Variants in TRAPPC12 observed in about 807,000 individuals in gnomAD.
TRAPPC12 encodes TPR repeat protein 15.
A neutral mutation model predicts 69.2 loss-of-function variants in TRAPPC12; 61 were observed. The ratio of observed to expected loss-of-function variants is 0.88; its 90% CI spans 0.72 to 1.09. The LOEUF is 1.09. Ranked by LOEUF, TRAPPC12 falls within the 50% of genes least tolerant of loss-of-function variation. TRAPPC12 has a pLI of 0.00. For missense variants in TRAPPC12, 1,101 were observed against 1,016.4 expected (o/e 1.08, Z -1.13); for synonymous variants, 469 against 438.9 (o/e 1.07, Z -0.86).
chr2:3,478,006 G>A (rs1666369501), intron 10 of TRAPPC12: 1 of 428,150 alleles, frequency 2.3e-6, no homozygotes, highest in Non-Finnish European at 4.2e-6. Flanking sequence ...TTTTTAAGGA[G>A]CTATTCCCCC....
At chr2:3,406,225 G>A (rs1336334711) in intron 3 of TRAPPC12, among the ~76,000 whole-genome samples, 2 of 152,140 alleles carry the variant, frequency 1.3e-5, no homozygotes, top group African/African-American at 4.8e-5. Flanking sequence ...TCATTAACTC[G>A]GAGTAAGCGC....
At chr2:3,398,612 A>G (rs1178790727) in intron 2 of TRAPPC12, among the ~76,000 whole-genome samples, 1 of 152,206 alleles carries the variant, frequency 6.6e-6, no homozygotes, top group Non-Finnish European at 1.5e-5. Context: ...ATACGCTTTC[A>G]GTCCACTGCT....
chr2:3,422,164 C>T (rs73129502), intron 4 of TRAPPC12, among the ~76,000 whole-genome samples, 170 bp downstream of exon 4: 3,977 of 152,344 alleles, frequency 0.026, 165 homozygotes, highest in African/African-American at 0.09. Flanking sequence ...ATTCTCACTT[C>T]GGCCCGTCAG....
intron 5 of TRAPPC12, among the ~76,000 whole-genome samples, chr2:3,436,488 G>T (rs1663788506): frequency 6.6e-6 from 1 of 151,956 alleles, no homozygotes; most frequent in African/African-American, 2.4e-5. Context: ...CTTCTGCACA[G>T]TTTTTAATAA....
In TRAPPC12 at chr2:3,388,125, C is replaced by T. The variant is rs1173889875; in HGVS notation, c.502C>T (p.Pro168Ser). 2.5e-6 allele frequency: 4 copies of T among 1,587,130 alleles called. No homozygotes were observed. Among genetic ancestry groups the T allele is most frequent in the Non-Finnish European group, 3.4e-6 (4 of 1,169,346 alleles). ...PVCTIFSQRA[P>S]PASGDGFEPQ... ...GTGCACCATCTTCAGCCAGCGCGCGCCCCCAGCCTCCGGGGACGGCTTCGA... is the reference window on the plus strand; with the variant it reads ...GTGCACCATCTTCAGCCAGCGCGCGTCCCCAGCCTCCGGGGACGGCTTCGA... The change falls in exon 2 of 12, where the codon CCC (proline) becomes TCC (serine). Residue 168 changes from proline to serine, a missense_variant. Physicochemically the swap from Pro to Ser is moderately conservative, Grantham distance 74. Coordinates refer to ENST00000324266, the MANE Select transcript of TRAPPC12 (RefSeq NM_016030.6).
At chr2:3,469,426 GT>G (rs1216141197) in intron 9 of TRAPPC12, among the ~76,000 whole-genome samples, 1 of 152,236 alleles carries the variant, frequency 6.6e-6, no homozygotes, top group Admixed American at 6.5e-5. Context: ...ACGGGACGAG[GT>G]TTTGGTTGCA....
At chr2:3,400,741 G>A (rs1661395053) in intron 2 of TRAPPC12, among the ~76,000 whole-genome samples, 1 of 152,162 alleles carries the variant, frequency 6.6e-6, no homozygotes, top group Non-Finnish European at 1.5e-5. Flanking sequence ...GCACTGTTGG[G>A]ATGACTAGTT....
intron 7 of TRAPPC12, among the ~76,000 whole-genome samples, chr2:3,459,710 G>A (rs1325344775): frequency 6.6e-5 from 10 of 152,230 alleles, no homozygotes; most frequent in Admixed American, 5.2e-4. Flanking sequence ...GTCCCCAGCG[G>A]AATGTGCCAG....
chr2:3,435,575 C>G (rs1296651424), intron 5 of TRAPPC12, among the ~76,000 whole-genome samples: 5 of 152,212 alleles, frequency 3.3e-5, no homozygotes, highest in Non-Finnish European at 5.9e-5. Flanking sequence ...TTGAAAAGAG[C>G]CCGGAAGTTG....
rs182890581 is a variant in TRAPPC12 at position 3,408,365 on chromosome 2, A to G, written c.1164+6472A>G. ...AATAAAGCTGGGCGTGGTGGCTCAC[A>G]CCTGTAATCCCAGCACTTTGGGAGG... On this transcript the variant is annotated intron_variant, in intron 3 of 11. Coordinates refer to ENST00000324266, the MANE Select transcript of TRAPPC12 (RefSeq NM_016030.6). Among the ~76,000 whole-genome samples, 478 of 152,316 alleles carry G rather than the reference A, an allele frequency of 3.1e-3. 2 individuals carry two copies. Among genetic ancestry groups the G allele is most frequent in the African/African-American group, 0.011 (462 of 41,568 alleles).
In TRAPPC12 at chr2:3,479,333, C is replaced by T. The variant is rs1395303714; in HGVS notation, c.2080C>T (p.Leu694Phe). 1 of 1,614,102 alleles carries T rather than the reference C, an allele frequency of 6.2e-7. No homozygotes were observed. Among genetic ancestry groups the T allele is most frequent in the Non-Finnish European group, 8.5e-7 (1 of 1,180,054 alleles). Residue 694 changes from leucine to phenylalanine, a missense_variant, in exon 12 of 12, where the codon CTC becomes TTC. Coordinates refer to ENST00000324266, the MANE Select transcript of TRAPPC12 (RefSeq NM_016030.6). The part of the protein sequence containing the change: ...DPRHYLHESV[L>F]FNLTTMYELE... ...CAGGCACTACCTGCACGAGAGCGTG[C>T]TCTTCAACCTGACCACCATGTACGA...
rs115721836 is a variant in TRAPPC12, at chr2:3,434,945, G to A, written c.1418-8834G>A. ...TTCCATCTGGACCGAGGGACTGGCC[G>A]GTGCAGCAGGAGGAGCCGATCACCC... is the stretch of plus-strand genomic sequence containing the variant. On this transcript the variant is annotated intron_variant, in intron 5 of 11. Coordinates refer to ENST00000324266, the MANE Select transcript of TRAPPC12 (RefSeq NM_016030.6). Among the ~76,000 whole-genome samples, 462 of 152,292 alleles carry A rather than the reference G, an allele frequency of 3.0e-3. 8 individuals are homozygous for A. Among genetic ancestry groups the A allele is most frequent in the African/African-American group, 0.011 (444 of 41,554 alleles).
intron 4 of TRAPPC12, among the ~76,000 whole-genome samples, chr2:3,422,271 C>T (rs899717565): frequency 3.9e-5 from 6 of 152,070 alleles, no homozygotes; most frequent in African/African-American, 9.7e-5. Context: ...GTTCGCCTCA[C>T]GACTGGCAGT....
At position 3,387,751 on chromosome 2, in the gene TRAPPC12, T is replaced by C; in HGVS notation, c.128T>C (p.Phe43Ser). Residue 43 changes from phenylalanine to serine, a missense_variant, in exon 2 of 12, where the codon TTT (phenylalanine) becomes TCT (serine). Coordinates refer to ENST00000324266, the MANE Select transcript of TRAPPC12 (RefSeq NM_016030.6). ...ACCATCGATCTTGGCGGAGATGAGT[T>C]TGGATCCGAAGAGAACGAGACCGCA... ...EETIDLGGDE[F>S]GSEENETASE... 6.2e-7 allele frequency: 1 copy of C among 1,611,802 alleles called. No individual in the cohort carries two copies. Among genetic ancestry groups the C allele is most frequent in the East Asian group, 2.2e-5 (1 of 44,684 alleles).
chr2:3,387,856 G>GCGAGGGCGA lies in TRAPPC12; in HGVS notation c.236_244dup (p.Glu79_Asp81dup). The GCGAGGGCGA allele has an allele frequency of 6.2e-7, 1 of 1,601,478 alleles. No individual in the cohort carries two copies. Among genetic ancestry groups the GCGAGGGCGA allele is most frequent in the Non-Finnish European group, 8.5e-7 (1 of 1,170,958 alleles). On this transcript the variant is annotated inframe_insertion, in exon 2 of 12. Transcript: ENST00000324266. ...GTCCTCATCTCTGACTCCCCCAACA[G>GCGAGGGCGA]CGAGGGCGACGCGGGCGACCTGGGC...
At chr2:3,461,949 AC>A (rs1484333418) in intron 8 of TRAPPC12, among the ~76,000 whole-genome samples, 1 of 151,970 alleles carries the variant, frequency 6.6e-6, no homozygotes, top group Non-Finnish European at 1.5e-5. Context: ...CAGCCCTGAC[AC>A]CCCCACCTGG....
intron 2 of TRAPPC12, among the ~76,000 whole-genome samples, chr2:3,391,181 A>G (rs1487540235): frequency 6.6e-6 from 1 of 152,190 alleles, no homozygotes; most frequent in African/African-American, 2.4e-5. Context: ...ACTGTACATG[A>G]CGGGGCGCCC....
chr2:3,427,439 C>T (rs1663172601), intron 5 of TRAPPC12, among the ~76,000 whole-genome samples: 1 of 152,244 alleles, frequency 6.6e-6, no homozygotes, highest in Non-Finnish European at 1.5e-5. Flanking sequence ...AAGCGCAGAG[C>T]TGCACCAAGT....
intron 1 of TRAPPC12, among the ~76,000 whole-genome samples, chr2:3,382,599 A>C (rs1572069433): frequency 6.6e-6 from 1 of 152,204 alleles, no homozygotes; most frequent in East Asian, 1.9e-4. Flanking sequence ...TGTCTCAACC[A>C]AGACTCCTTT....
Sources: gnomAD v4.1 joint callset for allele counts (sites outside exome capture counted in the v4.1 genomes callset) on GRCh38, gnomAD v4.1.1 for gene constraint, MANE v1.5 for transcripts, NCBI Gene and HGNC (gene_info 2026-07-23, HGNC 2026-07-21) for gene names.